LSM14B: variants seen among roughly 807,000 people sequenced by gnomAD.
LSM14B encodes the protein protein LSM14 homolog B.
LSM14B carries 8 observed loss-of-function variants against 42.1 expected under a neutral mutation model. The observed-to-expected ratio is 0.19, with a 90% confidence interval of 0.11 to 0.34. The LOEUF is 0.34. Among genes scored for constraint, LSM14B ranks in the 10% least tolerant of loss-of-function variants. The pLI, the probability that LSM14B is intolerant of heterozygous loss-of-function variation, is 1.00. For missense variants in LSM14B, 396 were observed against 513.1 expected (o/e 0.77, Z 2.21); for synonymous variants, 219 against 209.7 (o/e 1.04, Z -0.38).
rs1282012582 is a variant in LSM14B at position 62,125,291 on chromosome 20, C to T, written c.291+511C>T. Among the ~76,000 whole-genome samples the T allele has an allele frequency of 4.6e-5, 7 of 152,180 alleles. No homozygotes were observed. In the South Asian group the frequency reaches 1.0e-3, roughly 23 times the overall value. On this transcript the variant is annotated intron_variant, in intron 2 of 8. Coordinates refer to ENST00000279068, the MANE Select transcript of LSM14B (RefSeq NM_144703.3). ...ACAGTAGGTGGTGTGTGCTGTGTCACGTGGCTCTTAAGGAAGGCGACCTGG... is the reference window on the plus strand; with the variant it reads ...ACAGTAGGTGGTGTGTGCTGTGTCATGTGGCTCTTAAGGAAGGCGACCTGG...
intron 3 of LSM14B, chr20:62,127,640 A>G (rs1049031809): frequency 1.1e-5 from 17 of 1,551,070 alleles, no homozygotes; most frequent in South Asian, 5.9e-5. Context: ...GCTCTTCTCC[A>G]TCTCCACAGC....
Position 62,127,513 on chromosome 20 carries a change from A to G in LSM14B, c.427+1074A>G, listed in dbSNP as rs1040865274. The G allele has an allele frequency of 4.0e-5, 43 of 1,082,468 alleles. No individual in the cohort carries two copies. In the African/African-American group the frequency reaches 6.4e-4, roughly 16 times the overall value. 67.1% of individuals were successfully genotyped at this position (1,082,468 alleles called of 1,614,324 possible). On this transcript the variant is annotated intron_variant, in intron 3 of 8. Transcript: ENST00000279068. ...TTGCTTGGCTCTTTCCAAGCTTGCT[A>G]GACACAAGACAAGTGTATCCTGACT...
chr20:62,127,573 A>T, intron 3 of LSM14B: 1 of 1,536,558 alleles, frequency 6.5e-7, no homozygotes. Context: ...TTTCTCCTTT[A>T]TCTTCCTTTA....
intron 3 of LSM14B, 127 bp downstream of exon 3, chr20:62,126,566 C>G (rs115005809): frequency 6.3e-6 from 8 of 1,263,000 alleles, no homozygotes; most frequent in Non-Finnish European, 7.6e-6. Context: ...TTGTTGCACA[C>G]TTAGTAAATT....
chr20:62,129,806 C>T lies in LSM14B; in HGVS notation c.449C>T (p.Pro150Leu), dbSNP rs769932731. ...TCAGGAGCTGGTTTTCCATCCATCC[C>T]AGTCGGCAAGAGCCCCATGGTGGAG... Reference protein sequence around the residue: ...LGLGAGFPSIPVGKSPMVEQA... With the variant: ...LGLGAGFPSILVGKSPMVEQA... The change falls in exon 4 of 9, where the codon CCA becomes CTA. Residue 150 changes from proline to leucine, a missense_variant. By Grantham distance (98) the Pro-to-Leu change is moderately conservative. Coordinates refer to ENST00000279068, the MANE Select transcript of LSM14B (RefSeq NM_144703.3). 6 of 1,610,754 alleles carry T rather than the reference C, an allele frequency of 3.7e-6. No homozygotes were observed. Among genetic ancestry groups the T allele is most frequent in the East Asian group, 2.2e-5 (1 of 44,780 alleles).
At chr20:62,132,222 G>GGCTGTAACTC in intron 7 of LSM14B, among the ~76,000 whole-genome samples, 1 of 152,362 alleles carries the variant, frequency 6.6e-6, no homozygotes, top group Non-Finnish European at 1.5e-5. Context: ...GATGGGAAGT[G>GGCTGTAACTC]GATGATCAGT....
rs374788346 is a variant in LSM14B at position 62,130,569 on chromosome 20, G to A, written c.713G>A (p.Arg238His). 3.3e-5 allele frequency: 54 copies of A among 1,613,808 alleles called. No individual in the cohort carries two copies. The highest frequency in any genetic ancestry group is 7.7e-5 in the South Asian group (7 of 91,084). The change falls in exon 6 of 9, where the codon CGT (arginine) becomes CAT (histidine). Residue 238 changes from arginine to histidine, a missense_variant. Physicochemically the swap from Arg to His is conservative, Grantham distance 29. Coordinates refer to ENST00000279068, the MANE Select transcript of LSM14B (RefSeq NM_144703.3). The surrounding 1 kb of genome is among the most constrained non-coding windows in gnomAD (Gnocchi z 4.1). ...AGGAATCGCTCCAGAGGGCAAAACC[G>A]TCCAACTAACGTTAAGGAAAACACA... ...RTRNRSRGQN[R>H]PTNVKENTIK...
At chr20:62,126,194 T>G in intron 2 of LSM14B, 110 bp from the exon 3 acceptor site, 1 of 1,528,340 alleles carries the variant, frequency 6.5e-7, no homozygotes, top group Non-Finnish European at 8.9e-7. Context: ...ATCTCAAGGG[T>G]GCAGGCTGAT....
At chr20:62,131,310 C>T (rs373546031) in intron 6 of LSM14B, 46 bp from the exon 7 acceptor site, 10 of 1,546,118 alleles carry the variant, frequency 6.5e-6, no homozygotes, top group Admixed American at 5.9e-5. Context: ...AAAGGCTGTG[C>T]GCTCTGCCCC....
chr20:62,125,826 G>A (rs1329892529), intron 2 of LSM14B, among the ~76,000 whole-genome samples: 3 of 152,146 alleles, frequency 2.0e-5, no homozygotes, highest in African/African-American at 4.8e-5. Flanking sequence ...TTGGGAGGCC[G>A]AGGTGGGCAG....
chr20:62,131,895 C>A (rs911643508), intron 7 of LSM14B, among the ~76,000 whole-genome samples: 1 of 152,228 alleles, frequency 6.6e-6, no homozygotes, highest in Admixed American at 6.5e-5. Context: ...AGAACGTGCT[C>A]ACACTGGCTT....
chr20:62,124,882 CTTTT>C, intron 2 of LSM14B, 102 bp downstream of exon 2: 1 of 897,630 alleles, frequency 1.1e-6, no homozygotes, highest in East Asian at 3.4e-5. Context: ...GAGGAATAAC[CTTTT>C]TTTTTTTTTC....
chr20:62,133,814 A>C (rs1040965491), intron 8 of LSM14B, among the ~76,000 whole-genome samples: 1 of 152,168 alleles, frequency 6.6e-6, no homozygotes, highest in African/African-American at 2.4e-5. Context: ...TCTTGGCCCA[A>C]CCCGGCCCTA....
rs552177450 is a variant in LSM14B, at chr20:62,132,881, C to T, written c.987-409C>T. On this transcript the variant is annotated intron_variant, in intron 7 of 8. Transcript: ENST00000279068. Reference sequence around the variant, plus strand: ...CTCCCAAAGCAGAAGCATCACATTCCAGGGAACTTGTTCCATCTATCCTAG... The same window carrying T: ...CTCCCAAAGCAGAAGCATCACATTCTAGGGAACTTGTTCCATCTATCCTAG... Among the ~76,000 whole-genome samples the T allele has an allele frequency of 5.9e-5, 9 of 152,228 alleles. No individual in the cohort carries two copies. The South Asian group carries it at 1.9e-3, about 32-fold the overall frequency.
chr20:62,127,459 G>T, intron 3 of LSM14B: 3 of 673,112 alleles, frequency 4.5e-6, no homozygotes, highest in Non-Finnish European at 7.7e-6. Context: ...TTTCTAAAAC[G>T]TGTTTGTATG....
In LSM14B at chr20:62,124,739, A is replaced by C. The variant is rs767274294; in HGVS notation, c.250A>C (p.Lys84Gln). The C allele has an allele frequency of 6.2e-7, 1 of 1,613,792 alleles. No individual in the cohort carries two copies. The highest frequency in any genetic ancestry group is 1.1e-5 in the South Asian group (1 of 91,054). Residue 84 changes from lysine (K) to glutamine (Q), a missense_variant, in exon 2 of 9, where the codon AAA becomes CAA. Physicochemically the swap from Lys to Gln is moderately conservative, Grantham distance 53. Around this residue, in one of 3 missense-constraint regions of LSM14B, gnomAD observed 274 missense variants for 335.8 expected, o/e 0.82. Transcript: ENST00000279068. ...GGATATCACTGTGTGTGAACCTCCG[A>C]AAGCTCAGCACACACTCCCGCAGGA... ...IKDITVCEPP[K>Q]AQHTLPQDPA...
At position 62,130,197 on chromosome 20, in the gene LSM14B, A is replaced by T; in HGVS notation, c.596-22A>T. 2.5e-6 allele frequency: 4 copies of T among 1,578,596 alleles called. No individual in the cohort carries two copies. The highest frequency in any genetic ancestry group is 3.4e-6 in the Non-Finnish European group (4 of 1,162,756). On this transcript the variant is annotated intron_variant, in intron 4 of 8. Coordinates refer to ENST00000279068, the MANE Select transcript of LSM14B (RefSeq NM_144703.3). This position sits in a 1 kb window ranked among gnomAD's most constrained non-coding sequence, Gnocchi z 4.1. Reference sequence around the variant, plus strand: ...CCGGCTGCTATAGGAGCTTTGCCTTACTCTTCCCTTTTGCGCCGTAGATGT... The same window carrying T: ...CCGGCTGCTATAGGAGCTTTGCCTTTCTCTTCCCTTTTGCGCCGTAGATGT...
Position 62,129,947 on chromosome 20 carries a change from C to T in LSM14B, c.590C>T (p.Ala197Val). The T allele has an allele frequency of 6.2e-7, 1 of 1,612,530 alleles. No individual in the cohort carries two copies. The part of the protein sequence containing the change: ...GRQAQPSSKT[A>V]SDVVQPAAVQ... ...CAGGCCCAGCCGAGCAGCAAGACGG[C>T]CAGCGGTACTTGAACACATCATTTC... The change falls in exon 4 of 9, where the codon GCC becomes GTC. Residue 197 changes from alanine to valine, a missense_variant. Around this residue, in one of 3 missense-constraint regions of LSM14B, gnomAD observed 274 missense variants for 335.8 expected, o/e 0.82. Coordinates refer to ENST00000279068, the MANE Select transcript of LSM14B (RefSeq NM_144703.3).
In LSM14B at chr20:62,124,632, C is replaced by T. The variant is rs1299538519; in HGVS notation, c.143C>T (p.Thr48Ile). 1 of 1,613,844 alleles carries T rather than the reference C, an allele frequency of 6.2e-7. No individual in the cohort carries two copies. Among genetic ancestry groups the T allele is most frequent in the Admixed American group, 1.7e-5 (1 of 60,008 alleles). Reference sequence around the variant, plus strand: ...CACTCATAAGTGAGGTCCTTTGGCACTGAAGACCGTCCCACAGATAGGCCT... The same window carrying T: ...CACTCATAAGTGAGGTCCTTTGGCATTGAAGACCGTCCCACAGATAGGCCT... ...VALAKVRSFG[T>I]EDRPTDRPAP... The change falls in exon 2 of 9, where the codon ACT becomes ATT. Residue 48 changes from threonine to isoleucine, a missense_variant. Coordinates refer to ENST00000279068, the MANE Select transcript of LSM14B (RefSeq NM_144703.3).
Sources: gnomAD v4.1 joint callset for allele counts (sites outside exome capture counted in the v4.1 genomes callset) on GRCh38, gnomAD v4.1.1 for gene constraint, gnomAD v4.1.1 regional missense constraint, Gnocchi (gnomAD v3.1) non-coding constraint, MANE v1.5 for transcripts, NCBI Gene and HGNC (gene_info 2026-07-23, HGNC 2026-07-21) for gene names.